The following PRR5 variants were observed in gnomAD, a reference collection of about 807,000 sequenced individuals.
PRR5 encodes proline rich 5, also known as proline-rich protein 5.
A neutral mutation model predicts 30.6 loss-of-function variants in PRR5; 25 were observed. The observed-to-expected ratio is 0.82, with a 90% confidence interval of 0.60 to 1.14. The LOEUF (loss-of-function observed/expected upper bound fraction) is 1.14, where lower values mean the gene tolerates loss of function less well. PRR5 is among the 50% of genes most tolerant of loss of function. PRR5 has a pLI of 0.00. For missense variants in PRR5, 600 were observed against 547.1 expected, an observed-to-expected ratio of 1.10 and a Z score of -0.96; for synonymous variants, 286 against 247.1, an observed-to-expected ratio of 1.16 and a Z score of -1.48.
chr22:44,725,436 T>A, intron 3 of PRR5, 144 bp downstream of exon 3: 1 of 1,081,452 alleles, frequency 9.2e-7, no homozygotes, highest in Non-Finnish European at 1.3e-6. Flanking sequence ...GTTCCTTATC[T>A]AGCCACGTGG....
At chr22:44,734,891 G>T in intron 6 of PRR5, 136 bp from the exon 7 acceptor site, 1 of 1,274,702 alleles carries the variant, frequency 7.8e-7, no homozygotes, top group Non-Finnish European at 1.1e-6. Context: ...CCCTGCCATG[G>T]GGACAGAGAG....
At chr22:44,676,315 C>T (rs868816767), upstream of PRR5, among the ~76,000 whole-genome samples, 9 of 133,282 alleles carry the variant, frequency 6.8e-5, no homozygotes, top group African/African-American at 2.3e-4. Context: ...CACCTGAGCC[C>T]GGGAGGTCAA....
chr22:44,683,379 G>A (rs1469336010), intron 1 of PRR5, among the ~76,000 whole-genome samples: 1 of 152,208 alleles, frequency 6.6e-6, no homozygotes, highest in Non-Finnish European at 1.5e-5. Flanking sequence ...GGCAGCCCCA[G>A]CTCCTGAGGA....
chr22:44,726,527 C>A (rs745678901), intron 3 of PRR5, 50 bp from the exon 4 acceptor site: 38 of 1,612,610 alleles, frequency 2.4e-5, no homozygotes, highest in South Asian at 1.5e-4. Flanking sequence ...GGCCAGGACA[C>A]CCCCGGGCAT....
chr22:44,684,347 AGCCTG>A (rs1252887670), intron 1 of PRR5, among the ~76,000 whole-genome samples: 2 of 152,196 alleles, frequency 1.3e-5, no homozygotes, highest in African/African-American at 4.8e-5. Context: ...GTTCAAGACC[AGCCTG>A]GCCAACATGG....
At chr22:44,702,127 ATGCC>A, upstream of PRR5, 1 of 194,202 alleles carries the variant, frequency 5.1e-6, no homozygotes, top group Non-Finnish European at 9.7e-6. Flanking sequence ...CCCGCCCGCG[ATGCC>A]CCCGCCCCCT....
At chr22:44,683,967 C>T (rs1370645317) in intron 1 of PRR5, among the ~76,000 whole-genome samples, 1 of 152,248 alleles carries the variant, frequency 6.6e-6, no homozygotes, top group Non-Finnish European at 1.5e-5. Context: ...GGGCTGGGCC[C>T]CTCGCAGGGG....
At chr22:44,692,752 G>A (rs991820676) in intron 1 of PRR5, among the ~76,000 whole-genome samples, 8 of 152,194 alleles carry the variant, frequency 5.3e-5, no homozygotes, top group South Asian at 2.1e-4. Context: ...AGTCCGTCCC[G>A]CTCTGCCGCC....
intron 1 of PRR5, among the ~76,000 whole-genome samples, chr22:44,714,184 C>T (rs1270969010): frequency 1.3e-5 from 2 of 152,208 alleles, no homozygotes; most frequent in East Asian, 1.9e-4. Flanking sequence ...CAGTGATGAT[C>T]CTGAACTCCG....
chr22:44,683,584 G>A (rs374582853), intron 1 of PRR5, among the ~76,000 whole-genome samples: 1 of 151,724 alleles, frequency 6.6e-6, no homozygotes, highest in Non-Finnish European at 1.5e-5. Context: ...GGCAGGGGCT[G>A]GGGGGAGCCA....
At chr22:44,673,267 G>T (rs1923528249), upstream of PRR5, among the ~76,000 whole-genome samples, 1 of 152,230 alleles carries the variant, frequency 6.6e-6, no homozygotes, top group Non-Finnish European at 1.5e-5. Context: ...GAGTCTGAGG[G>T]TGTTACTCTC....
intron 2 of PRR5, among the ~76,000 whole-genome samples, chr22:44,719,888 G>A (rs1479005390): frequency 1.3e-5 from 2 of 152,182 alleles, no homozygotes; most frequent in Admixed American, 6.5e-5. Flanking sequence ...CCCTGGATGG[G>A]ATGTCCCAGC....
chr22:44,691,900 G>A lies in PRR5; in HGVS notation c.-10-10592G>A. 6.6e-6 allele frequency among the ~76,000 whole-genome samples: 1 copy of A among 151,984 alleles called. No homozygotes were observed. Among genetic ancestry groups the A allele is most frequent in the East Asian group, 1.9e-4 (1 of 5,162 alleles). On this transcript the variant is annotated intron_variant, in intron 1 of 8. Transcript: ENST00000006251. The surrounding 1 kb of genome is among the most constrained non-coding windows in gnomAD (Gnocchi z 4.4). ...GCCCCTCCTCCACGAGGGAAGCCAG[G>A]GCCTTGCCAGTGTCCAGAGGAGCCG...
At chr22:44,676,495 G>C (rs1255077976), upstream of PRR5, among the ~76,000 whole-genome samples, 1 of 151,850 alleles carries the variant, frequency 6.6e-6, no homozygotes, top group East Asian at 1.9e-4. Context: ...CCTCCCCACA[G>C]TCACACAGCA....
rs1926427937 is a variant in PRR5, at chr22:44,702,250, C to G, written c.-225C>G. 1.8e-6 allele frequency: 2 copies of G among 1,133,972 alleles called. No individual in the cohort carries two copies. Among genetic ancestry groups the G allele is most frequent in the South Asian group, 8.6e-5 (2 of 23,322 alleles). 70.2% of individuals were successfully genotyped at this position (1,133,972 alleles called of 1,614,324 possible). A position where few individuals can be genotyped will look rare whatever the true frequency, so the allele number is the denominator to read the frequency against. On this transcript the variant is annotated 5_prime_UTR_variant, in exon 1 of 8. Coordinates refer to ENST00000336985, the MANE Select transcript of PRR5 (RefSeq NM_181333.4). ...TGTGCTGGCCGCGCGCCTGGCGCTC[C>G]ACGCTGAGCCTCTCCGTGCAATGAT...
intron 3 of PRR5, among the ~76,000 whole-genome samples, chr22:44,725,805 C>T (rs981882417): frequency 6.6e-6 from 1 of 152,182 alleles, no homozygotes; most frequent in East Asian, 1.9e-4. Flanking sequence ...GCTGGGATTA[C>T]AGGTACCCAC....
intron 1 of PRR5, among the ~76,000 whole-genome samples, chr22:44,681,592 GAAA>G (rs71744414): frequency 8.5e-5 from 11 of 129,662 alleles, no homozygotes; most frequent in East Asian, 2.1e-4. Context: ...TTGTCTCAAA[GAAA>G]AAAAAAAAAA....
intron 1 of PRR5, among the ~76,000 whole-genome samples, chr22:44,696,803 C>T (rs1925795378): frequency 6.6e-6 from 1 of 152,128 alleles, no homozygotes; most frequent in South Asian, 2.1e-4. Flanking sequence ...GTGGCACGAT[C>T]TTGGCTCACT....
rs773584515 is a variant in PRR5 at position 44,737,126 on chromosome 22, T to C, written c.1046T>C (p.Val349Ala). ...CCCCGCTCCAGCCCGGAGAACCTGG[T>C]GGACCAGATCCTGGAGTCCGTGGAC... is the stretch of plus-strand genomic sequence containing the variant. ...SLPRSSPENL[V>A]DQILESVDSD... is the part of the protein sequence containing the mutation. Residue 349 changes from valine (V) to alanine (A), a missense_variant, in exon 8 of 8, where the codon GTG becomes GCG. Physicochemically the swap from Val to Ala is moderately conservative, Grantham distance 64. Transcript: ENST00000336985. The C allele has an allele frequency of 1.9e-6, 3 of 1,612,494 alleles. No individual in the cohort carries two copies. In the Admixed American group the frequency reaches 5.0e-5, roughly 27 times the overall value.
Sources: allele counts gnomAD v4.1 joint callset (sites outside exome capture counted in the v4.1 genomes callset), GRCh38; gene constraint gnomAD v4.1.1; non-coding constraint Gnocchi (gnomAD v3.1); transcripts MANE v1.5; gene names NCBI Gene and HGNC (gene_info 2026-07-23, HGNC 2026-07-21).